The following PSTPIP2 variants were observed in gnomAD, a reference collection of about 807,000 sequenced individuals.
The protein encoded by PSTPIP2 is proline-serine-threonine phosphatase interacting protein 2.
In PSTPIP2, 33 loss-of-function variants were observed where a neutral mutation model predicts 63.3. The observed-to-expected ratio is 0.52, with a 90% confidence interval of 0.40 to 0.70. The LOEUF is 0.70. Ranked by LOEUF, PSTPIP2 falls within the 30% of genes least tolerant of loss-of-function variation. The pLI, the probability that PSTPIP2 is intolerant of heterozygous loss-of-function variation, is 0.00. For missense variants in PSTPIP2, 312 were observed against 400.7 expected (o/e 0.78, Z 1.89); for synonymous variants, 125 against 132.7 (o/e 0.94, Z 0.40).
intron 2 of PSTPIP2, chr18:46,028,328 C>A: frequency 2.1e-6 from 1 of 472,382 alleles, no homozygotes; most frequent in Non-Finnish European, 4.2e-6. Context: ...AAAGCCGGAG[C>A]GGGGCCGAGC....
intron 4 of PSTPIP2, among the ~76,000 whole-genome samples, chr18:46,011,578 A>G (rs2051797159): frequency 6.6e-6 from 1 of 152,208 alleles, no homozygotes; most frequent in Non-Finnish European, 1.5e-5. Context: ...CATGAAGGTT[A>G]CATCCTAGGA....
intron 1 of PSTPIP2, among the ~76,000 whole-genome samples, chr18:46,062,295 C>G (rs962065757): frequency 1.3e-5 from 2 of 152,062 alleles, no homozygotes; most frequent in Non-Finnish European, 2.9e-5. Flanking sequence ...TTTTAGCACT[C>G]TTCAAGGAGT....
At position 46,015,955 on chromosome 18, in the gene PSTPIP2, A is replaced by G. The variant is rs1370223357; in HGVS notation, c.213-18T>C. 3 of 1,610,678 alleles carry G rather than the reference A, an allele frequency of 1.9e-6. No individual in the cohort carries two copies. The highest frequency in any genetic ancestry group is 1.7e-4 in the Middle Eastern group (1 of 6,056). On this transcript the variant is annotated intron_variant, in intron 3 of 14. Transcript: ENST00000409746. ...TCAGGGTGCTAAAAAAAACAAGCAC[A>G]TATATAATTTCAGTTCTGGAAATTC... is the stretch of plus-strand genomic sequence containing the variant.
At chr18:45,988,478 A>T (rs755964760) in intron 14 of PSTPIP2, among the ~76,000 whole-genome samples, 2 of 149,622 alleles carry the variant, frequency 1.3e-5, no homozygotes, top group Non-Finnish European at 2.9e-5. Context: ...ATAATCAATG[A>T]AGGAAAAATA....
At chr18:46,029,869 C>G (rs1377411508) in intron 2 of PSTPIP2, 4 of 332,336 alleles carry the variant, frequency 1.2e-5, no homozygotes, top group Non-Finnish European at 2.3e-5. Context: ...AATCTCAGAA[C>G]TTTGGGAGGC....
chr18:46,041,256 G>C (rs970482282), intron 1 of PSTPIP2, among the ~76,000 whole-genome samples: 1 of 152,026 alleles, frequency 6.6e-6, no homozygotes, highest in Non-Finnish European at 1.5e-5. Flanking sequence ...GTTTTGTTTT[G>C]TTCTGTTTTG....
chr18:46,000,269 A>G (rs918864629), intron 6 of PSTPIP2, among the ~76,000 whole-genome samples: 6 of 152,080 alleles, frequency 3.9e-5, no homozygotes, highest in Non-Finnish European at 7.3e-5. Flanking sequence ...GCACCAACTC[A>G]CTCTAATTCT....
chr18:46,062,154 C>A (rs1909014193), intron 1 of PSTPIP2, among the ~76,000 whole-genome samples: 1 of 152,154 alleles, frequency 6.6e-6, no homozygotes, highest in Non-Finnish European at 1.5e-5. Flanking sequence ...GGGATGGGGT[C>A]TCAGTCTCCC....
At chr18:46,058,537 T>C (rs751025827) in intron 1 of PSTPIP2, among the ~76,000 whole-genome samples, 6 of 151,932 alleles carry the variant, frequency 3.9e-5, no homozygotes, top group Non-Finnish European at 8.8e-5. Flanking sequence ...TTTTTTGTAT[T>C]TGTAGTAGAG....
At chr18:46,065,144 CAA>C (rs35144990) in intron 1 of PSTPIP2, among the ~76,000 whole-genome samples, 4,735 of 80,870 alleles carry the variant, frequency 0.059, 187 homozygotes, top group African/African-American at 0.19. Flanking sequence ...AACTCTGTCT[CAA>C]AAAAAAAAAA....
intron 5 of PSTPIP2, among the ~76,000 whole-genome samples, chr18:46,009,394 T>TAAAAAAAAA (rs2051770929): frequency 1.4e-5 from 1 of 73,080 alleles, no homozygotes; most frequent in African/African-American, 5.8e-5. Flanking sequence ...AAAAAAAACC[T>TAAAAAAAAA]AGCTAAATAC....
intron 6 of PSTPIP2, 61 bp downstream of exon 6, chr18:46,005,408 C>T: frequency 7.4e-7 from 1 of 1,345,126 alleles, no homozygotes; most frequent in Non-Finnish European, 1.0e-6. Context: ...TGTTCATACA[C>T]AGCACAGGAT....
chr18:46,056,779 TTTG>T lies in PSTPIP2; in HGVS notation c.33+15374_33+15376del, dbSNP rs1402354655. Reference sequence around the variant, plus strand: ...TCCTGGAAGGGTTTTTCTCATTAACTTTGTTTTTTTAAAATATTACATTAAAGA... The same window carrying T: ...TCCTGGAAGGGTTTTTCTCATTAACTTTTTTTTAAAATATTACATTAAAGA... On this transcript the variant is annotated intron_variant, in intron 1 of 14. Coordinates refer to ENST00000409746, the MANE Select transcript of PSTPIP2 (RefSeq NM_024430.4). 8.5e-5 allele frequency among the ~76,000 whole-genome samples: 13 copies of T among 152,118 alleles called. No homozygotes were observed. The East Asian group carries it at 2.5e-3, about 30-fold the overall frequency.
At chr18:46,044,428 ATG>A (rs1173630751) in intron 1 of PSTPIP2, among the ~76,000 whole-genome samples, 2 of 152,298 alleles carry the variant, frequency 1.3e-5, no homozygotes, top group East Asian at 3.9e-4. Context: ...TATTTAATAA[ATG>A]GTGCTGGGAA....
At chr18:46,015,561 G>A (rs112485633) in intron 4 of PSTPIP2, among the ~76,000 whole-genome samples, 2 of 152,264 alleles carry the variant, frequency 1.3e-5, no homozygotes, top group African/African-American at 4.8e-5. Context: ...GGGAACACGA[G>A]AGACATGCAG....
chr18:46,048,822 A>C (rs554556464), intron 1 of PSTPIP2, among the ~76,000 whole-genome samples: 1 of 152,260 alleles, frequency 6.6e-6, no homozygotes, highest in Admixed American at 6.5e-5. Context: ...AACTGGGGAA[A>C]TTTGAGTAGG....
intron 3 of PSTPIP2, among the ~76,000 whole-genome samples, chr18:46,021,429 G>GTA (rs146682560): frequency 1.4e-4 from 3 of 21,790 alleles, no homozygotes; most frequent in Non-Finnish European, 4.4e-4. Flanking sequence ...ATGTGTATGT[G>GTA]TATATATATA....
At chr18:46,045,260 C>A (rs528909840) in intron 1 of PSTPIP2, among the ~76,000 whole-genome samples, 1 of 152,258 alleles carries the variant, frequency 6.6e-6, no homozygotes, top group African/African-American at 2.4e-5. Context: ...TGGAACCAAC[C>A]CAAATGTCCA....
intron 4 of PSTPIP2, among the ~76,000 whole-genome samples, chr18:46,012,425 A>G (rs918519027): frequency 6.6e-6 from 1 of 152,252 alleles, no homozygotes; most frequent in African/African-American, 2.4e-5. Context: ...AGAGAGATGT[A>G]TAGTATAACA....
Sources: gnomAD v4.1 joint callset for allele counts (sites outside exome capture counted in the v4.1 genomes callset) on GRCh38, gnomAD v4.1.1 for gene constraint, MANE v1.5 for transcripts, NCBI Gene and HGNC (gene_info 2026-07-23, HGNC 2026-07-21) for gene names.